The following SLC49A3 variants were observed in gnomAD, a reference collection of about 807,000 sequenced individuals.
SLC49A3 encodes the protein solute carrier family 49 member A3.
In SLC49A3, 50 loss-of-function variants were observed where a neutral mutation model predicts 43.8. The observed-to-expected ratio is 1.14, with a 90% confidence interval of 0.91 to 1.45. SLC49A3 has a LOEUF of 1.45. SLC49A3 is among the 40% of genes most tolerant of loss of function. The probability of loss-of-function intolerance (pLI) is 0.00; values close to 1 mark genes in which losing one functional copy is unlikely to be tolerated. For missense variants in SLC49A3, 906 were observed against 774.1 expected (o/e 1.17, Z -2.02); for synonymous variants, 413 against 352.0 (o/e 1.17, Z -1.94).
At chr4:678,122 C>T (rs138466690), downstream of SLC49A3, 40 of 1,570,454 alleles carry the variant, frequency 2.5e-5, no homozygotes, top group South Asian at 1.3e-4. Context: ...TGGGCGTGTC[C>T]GTGCTTGCGT....
At chr4:684,247 T>A (rs1366811139) in intron 6 of SLC49A3, among the ~76,000 whole-genome samples, 2 of 151,950 alleles carry the variant, frequency 1.3e-5, no homozygotes, top group Non-Finnish European at 1.5e-5. Context: ...CAGGGCACCG[T>A]CAGTCCCTCC....
chr4:683,019 G>C, intron 8 of SLC49A3, 129 bp from the exon 9 acceptor site: 2 of 1,095,982 alleles, frequency 1.8e-6, no homozygotes, highest in Non-Finnish European at 2.6e-6. Flanking sequence ...ACGCAGCCTC[G>C]GTCATGGGCC....
At position 682,300 on chromosome 4, in the gene SLC49A3, C is replaced by T; in HGVS notation, c.1338G>A (p.Arg446=). ...ILAVFFHTPY[R]RLQAESGEPP... is the part of the protein sequence containing the mutation. ...GCTCCCCAGACTCGGCCTGCAGGCG[C>T]CGGTATGGGGTGTGGAAGAAGACCG... The change falls in exon 10 of 10, where the codon CGG becomes CGA. Residue 446 remains arginine, a synonymous_variant. Coordinates refer to ENST00000322224, the MANE Select transcript of SLC49A3 (RefSeq NM_032219.4). 1 of 1,354,880 alleles carries T rather than the reference C, an allele frequency of 7.4e-7. No homozygotes were observed. 83.9% of individuals were successfully genotyped at this position (1,354,880 alleles called of 1,614,324 possible). A position where few individuals can be genotyped will look rare whatever the true frequency, so the allele number is the denominator to read the frequency against.
downstream of SLC49A3, chr4:678,821 G>C: frequency 6.2e-7 from 1 of 1,607,412 alleles, no homozygotes; most frequent in Non-Finnish European, 8.5e-7. Flanking sequence ...GTGCTGGGAA[G>C]ACCCCATGTG....
At chr4:688,657 G>A (rs1393021648) in intron 1 of SLC49A3, among the ~76,000 whole-genome samples, 5 of 152,310 alleles carry the variant, frequency 3.3e-5, no homozygotes, top group African/African-American at 1.2e-4. Flanking sequence ...TCCTGGGGCT[G>A]GGAGGCGTGG....
downstream of SLC49A3, chr4:678,295 C>T (rs1446334127): frequency 7.0e-7 from 1 of 1,432,538 alleles, no homozygotes; most frequent in Non-Finnish European, 9.2e-7. Context: ...GAGGGGGTTC[C>T]TGGCTTTCAC....
chr4:683,668 TG>T lies in SLC49A3; in HGVS notation c.933del (p.Phe311LeufsTer69). 1 of 1,610,960 alleles carries T rather than the reference TG, an allele frequency of 6.2e-7. No individual in the cohort carries two copies. Among genetic ancestry groups the T allele is most frequent in the Non-Finnish European group, 8.5e-7 (1 of 1,179,164 alleles). On this transcript the variant is annotated frameshift_variant, in exon 7 of 10. Coordinates refer to ENST00000322224, the MANE Select transcript of SLC49A3 (RefSeq NM_032219.4). LOFTEE classifies it high-confidence loss of function. The part of the protein sequence containing the change: ...LGPYVDRTKH[F>X]TEATKIGLCL... ...CACAGGCCAATCTTGGTGGCCTCAG[TG>T]AAGTGCTTGGTCCGGTCCACATAGG...
downstream of SLC49A3, chr4:680,643 T>A (rs1375217419): frequency 1.3e-6 from 2 of 1,566,848 alleles, no homozygotes; most frequent in Non-Finnish European, 1.8e-6. Context: ...AGTGATCTCA[T>A]CCTGTCCCAA....
upstream of SLC49A3, chr4:689,330 G>A (rs748325901): frequency 3.0e-6 from 1 of 333,084 alleles, no homozygotes; most frequent in Non-Finnish European, 5.4e-6. Context: ...GGGAAGGGCG[G>A]GCAAAGGTGA....
At position 684,129 on chromosome 4, in the gene SLC49A3, C is replaced by CGCTGCACGTCT. The variant is rs529013110; in HGVS notation, c.840+343_840+353dup. Among the ~76,000 whole-genome samples, 17 of 152,284 alleles carry CGCTGCACGTCT rather than the reference C, an allele frequency of 1.1e-4. No homozygotes were observed. In the East Asian group the frequency reaches 3.3e-3, roughly 30 times the overall value. On this transcript the variant is annotated intron_variant, in intron 6 of 9. Transcript: ENST00000322224. ...TATGCGAGCAGAGCAAGGCCCTCCC[C>CGCTGCACGTCT]GCTGCACGTCTGGATACCAGAAGGT... is the stretch of plus-strand genomic sequence containing the variant.
upstream of SLC49A3, among the ~76,000 whole-genome samples, chr4:690,670 C>T (rs894320614): frequency 3.3e-5 from 5 of 152,146 alleles, no homozygotes; most frequent in Non-Finnish European, 5.9e-5. Flanking sequence ...CTACCTCCAT[C>T]GTTCAGTCTC....
Position 682,774 on chromosome 4 carries a change from G to A in SLC49A3, c.1261+7C>T. ...TGTTCCCTGGGGACTCCCCATGTGA[G>A]GCTCACCTGTCCAGTCAAGTGGATC... is the stretch of plus-strand genomic sequence containing the variant. On this transcript the variant is annotated splice_region_variant and intron_variant, in intron 9 of 9. Coordinates refer to ENST00000322224, the MANE Select transcript of SLC49A3 (RefSeq NM_032219.4). 1 of 1,563,552 alleles carries A rather than the reference G, an allele frequency of 6.4e-7. No homozygotes were observed. Among genetic ancestry groups the A allele is most frequent in the African/African-American group, 1.3e-5 (1 of 74,304 alleles).
chr4:680,453 G>A, downstream of SLC49A3: 1 of 1,569,522 alleles, frequency 6.4e-7, no homozygotes, highest in Non-Finnish European at 8.8e-7. Context: ...ATCTGCCCTT[G>A]GCAGCCACGG....
chr4:686,160 G>C lies in SLC49A3; in HGVS notation c.437C>G (p.Ser146Cys), dbSNP rs1740975717. The change falls in exon 3 of 10, where the codon TCT (serine) becomes TGT (cysteine). Residue 146 changes from serine (S) to cysteine (C), a missense_variant. By Grantham distance (112) the Ser-to-Cys change is moderately radical (BLOSUM62 -1). Coordinates refer to ENST00000322224, the MANE Select transcript of SLC49A3 (RefSeq NM_032219.4). ...CCACAAGGCAGCCAGCTTGGCTGGA[G>C]AGAAGATGACCAGGCTCTGGGCAAG... is the stretch of plus-strand genomic sequence containing the variant. ...CALAQSLVIF[S>C]PAKLAALWFP... 1 of 1,613,296 alleles carries C rather than the reference G, an allele frequency of 6.2e-7. No homozygotes were observed. Among genetic ancestry groups the C allele is most frequent in the African/African-American group, 1.3e-5 (1 of 74,948 alleles).
chr4:679,022 A>G (rs777210674), downstream of SLC49A3: 11 of 1,613,568 alleles, frequency 6.8e-6, no homozygotes, highest in Middle Eastern at 1.6e-4. Context: ...AAGGACACCT[A>G]TGCCTCCCTG....
downstream of SLC49A3, among the ~76,000 whole-genome samples, chr4:681,509 G>C (rs866818809): frequency 1.5e-5 from 1 of 65,838 alleles, no homozygotes; most frequent in South Asian, 5.4e-4. Context: ...CAGGACCCCC[G>C]CACCTCCCCC....
In SLC49A3 at chr4:685,904, A is replaced by G. The variant is rs1199571146; in HGVS notation, c.516T>C (p.Pro172=). The change falls in exon 4 of 10, where the codon CCT becomes CCC. Residue 172 remains proline (P), a synonymous_variant. Coordinates refer to ENST00000322224, the MANE Select transcript of SLC49A3 (RefSeq NM_032219.4). The surrounding 1 kb of genome is among the most constrained non-coding windows in gnomAD (Gnocchi z 4.3). The part of the protein sequence containing the change: ...TANMLATMSN[P]LGVLVANVLS... ...GCACATTGGCCACAAGGACGCCCAGAGGGTTCGCTGGGTGGGCGGATGCAC... is the reference window on the plus strand; with the variant it reads ...GCACATTGGCCACAAGGACGCCCAGGGGGTTCGCTGGGTGGGCGGATGCAC... 1 of 1,613,948 alleles carries G rather than the reference A, an allele frequency of 6.2e-7. No homozygotes were observed. The highest frequency in any genetic ancestry group is 8.5e-7 in the Non-Finnish European group (1 of 1,180,000).
At chr4:682,941 C>T in intron 8 of SLC49A3, 51 bp from the exon 9 acceptor site, 1 of 1,432,418 alleles carries the variant, frequency 7.0e-7, no homozygotes, top group Non-Finnish European at 9.4e-7. Context: ...CCCCTCGGAG[C>T]CAGGTGCCAC....
At chr4:688,919 C>A in intron 1 of SLC49A3, 74 bp downstream of exon 1, 1 of 1,519,926 alleles carries the variant, frequency 6.6e-7, no homozygotes, top group Admixed American at 2.1e-5. Flanking sequence ...GGGCTGTGGC[C>A]ACAGGAAAAC....
Sources: allele counts gnomAD v4.1 joint callset (sites outside exome capture counted in the v4.1 genomes callset), GRCh38; gene constraint gnomAD v4.1.1; non-coding constraint Gnocchi (gnomAD v3.1); transcripts MANE v1.5; gene names NCBI Gene and HGNC (gene_info 2026-07-23, HGNC 2026-07-21).